The following ELOVL6 variants were observed in gnomAD, a reference collection of about 807,000 sequenced individuals.
The protein encoded by ELOVL6 is very long chain fatty acid elongase 6.
Under a neutral mutation model 31.7 loss-of-function variants are expected in ELOVL6, and 8 were observed. The observed-to-expected ratio is 0.25, with a 90% CI of 0.15 to 0.45. The LOEUF is 0.45. Among genes scored for constraint, ELOVL6 ranks in the 20% least tolerant of loss-of-function variants. The pLI, the probability that ELOVL6 is intolerant of heterozygous loss-of-function variation, is 1.00. For missense variants in ELOVL6, 126 were observed against 326.4 expected (o/e 0.39, Z 4.73); for synonymous variants, 101 against 117.7 (o/e 0.86, Z 0.92).
intron 2 of ELOVL6, among the ~76,000 whole-genome samples, chr4:110,076,195 T>A (rs1755620341): frequency 2.0e-5 from 3 of 152,188 alleles, no homozygotes; most frequent in African/African-American, 7.2e-5. Flanking sequence ...ATAAATTGAA[T>A]CTTTTTATAG....
chr4:110,092,790 G>A lies in ELOVL6; in HGVS notation c.221+12707C>T, dbSNP rs1012280378. Among the ~76,000 whole-genome samples the A allele has an allele frequency of 3.3e-5, 5 of 150,294 alleles. No homozygotes were observed. The South Asian group carries it at 6.3e-4, about 19-fold the overall frequency. ...TTTTTAAGGATTCAATTTTTAGTTC[G>A]AAATCTTGTAGTACACACACACACA... On this transcript the variant is annotated intron_variant, in intron 2 of 3. Transcript: ENST00000302274.
chr4:110,084,181 T>TAAC (rs1756064720), intron 2 of ELOVL6, among the ~76,000 whole-genome samples: 4 of 108,024 alleles, frequency 3.7e-5, no homozygotes, highest in Admixed American at 2.3e-4. Context: ...ATATGATATA[T>TAAC]ATAACATATA....
At chr4:110,169,243 GT>G (rs1244510218) in intron 1 of ELOVL6, among the ~76,000 whole-genome samples, 36 of 137,892 alleles carry the variant, frequency 2.6e-4, no homozygotes, top group African/African-American at 2.4e-4. Context: ...TTTTTGTTTT[GT>G]TTTTTTTTTT....
chr4:110,142,841 T>A (rs2126262161), intron 1 of ELOVL6, among the ~76,000 whole-genome samples: 1 of 152,316 alleles, frequency 6.6e-6, no homozygotes, highest in African/African-American at 2.4e-5. Context: ...TCAATATAAC[T>A]CATCTTTAAA....
intron 2 of ELOVL6, among the ~76,000 whole-genome samples, chr4:110,089,433 T>C (rs1756357642): frequency 6.6e-6 from 1 of 151,946 alleles, no homozygotes; most frequent in African/African-American, 2.4e-5. Context: ...CAGGCTTGAG[T>C]CTGTGCAAAT....
At chr4:110,198,172 G>A (rs751915376) in intron 1 of ELOVL6, 75 bp downstream of exon 1, 12 of 899,376 alleles carry the variant, frequency 1.3e-5, no homozygotes, top group Non-Finnish European at 2.1e-5. Flanking sequence ...CCCAGGCAGG[G>A]AATACCGACA....
At chr4:110,105,850 T>C (rs1221929349) in intron 1 of ELOVL6, among the ~76,000 whole-genome samples, 1 of 152,238 alleles carries the variant, frequency 6.6e-6, no homozygotes, top group Non-Finnish European at 1.5e-5. Flanking sequence ...AAGTATCATG[T>C]CAGGATAGAT....
chr4:110,134,686 T>G (rs920676313), intron 1 of ELOVL6, among the ~76,000 whole-genome samples: 7 of 152,082 alleles, frequency 4.6e-5, no homozygotes, highest in African/African-American at 1.7e-4. Flanking sequence ...GTGAACTGGG[T>G]GTGGTAGCTC....
In ELOVL6 at chr4:110,083,161, A is replaced by C. The variant is rs1348880687; in HGVS notation, c.221+22336T>G. On this transcript the variant is annotated intron_variant, in intron 2 of 3. Coordinates refer to ENST00000302274, the MANE Select transcript of ELOVL6 (RefSeq NM_024090.3). ...AAGAAAAAGACAAATCAATTTTCACAAAACCCATATTCTAGTGAGGGAGAC... is the reference window on the plus strand; with the variant it reads ...AAGAAAAAGACAAATCAATTTTCACCAAACCCATATTCTAGTGAGGGAGAC... Among the ~76,000 whole-genome samples the C allele has an allele frequency of 4.6e-5, 7 of 151,830 alleles. 1 individual carries two copies. The highest frequency in any genetic ancestry group is 1.7e-4 in the African/African-American group (7 of 41,056).
chr4:110,163,357 C>A (rs766741053), intron 1 of ELOVL6, among the ~76,000 whole-genome samples: 3 of 152,214 alleles, frequency 2.0e-5, no homozygotes, highest in Non-Finnish European at 4.4e-5. Flanking sequence ...ACACTATTTT[C>A]TTTATAGCAG....
rs547352627 is a variant in ELOVL6 at position 110,124,045 on chromosome 4, C to T, written c.90-18417G>A. On this transcript the variant is annotated intron_variant, in intron 1 of 3. Coordinates refer to ENST00000302274, the MANE Select transcript of ELOVL6 (RefSeq NM_024090.3). ...ACTGCCTCTTGTGAGTTAAATTAGA[C>T]AGTCTGTAGACAGATTAGAAGGTAC... is the stretch of plus-strand genomic sequence containing the variant. Among the ~76,000 whole-genome samples, 4 of 152,274 alleles carry T rather than the reference C, an allele frequency of 2.6e-5. No individual in the cohort carries two copies. The South Asian group carries it at 8.3e-4, about 32-fold the overall frequency.
intron 1 of ELOVL6, among the ~76,000 whole-genome samples, chr4:110,156,144 A>G (rs971663761): frequency 6.6e-6 from 1 of 152,216 alleles, no homozygotes; most frequent in Non-Finnish European, 1.5e-5. Flanking sequence ...AGCCACCTTG[A>G]AAATGTAAAG....
At chr4:110,145,697 T>TA (rs34563907) in intron 1 of ELOVL6, among the ~76,000 whole-genome samples, 32 of 150,188 alleles carry the variant, frequency 2.1e-4, no homozygotes, top group African/African-American at 5.9e-4. Context: ...AGAGACTGTC[T>TA]AAAAAAAAAA....
rs534365536 is a variant in ELOVL6, at chr4:110,179,276, G to A, written c.89+18971C>T. Among the ~76,000 whole-genome samples the A allele has an allele frequency of 2.0e-5, 3 of 151,970 alleles. No homozygotes were observed. The South Asian group carries it at 6.2e-4, about 32-fold the overall frequency. ...TCCCAGCATTTAAGGAGGCTGAGGT[G>A]GATGGATCACCTGAGGTCAGGAGTT... On this transcript the variant is annotated intron_variant, in intron 1 of 3. Coordinates refer to ENST00000302274, the MANE Select transcript of ELOVL6 (RefSeq NM_024090.3).
At chr4:110,059,519 T>G (rs1560800924) in intron 3 of ELOVL6, 84 bp downstream of exon 3, 1 of 1,444,544 alleles carries the variant, frequency 6.9e-7, no homozygotes, top group African/African-American at 1.4e-5. Flanking sequence ...AATAGGACCT[T>G]CAAAATGTTT....
At chr4:110,182,314 GC>G (rs1759299939) in intron 1 of ELOVL6, among the ~76,000 whole-genome samples, 1 of 152,046 alleles carries the variant, frequency 6.6e-6, no homozygotes, top group Non-Finnish European at 1.5e-5. Flanking sequence ...CAACAATATG[GC>G]CCCTCCTCCT....
chr4:110,163,813 A>G (rs1364454584), intron 1 of ELOVL6, among the ~76,000 whole-genome samples: 1 of 152,238 alleles, frequency 6.6e-6, no homozygotes, highest in Admixed American at 6.5e-5. Context: ...TGCCAGGGTC[A>G]TAAGATACTT....
At chr4:110,113,735 G>A (rs931448239) in intron 1 of ELOVL6, among the ~76,000 whole-genome samples, 6 of 152,280 alleles carry the variant, frequency 3.9e-5, no homozygotes, top group African/African-American at 1.4e-4. Flanking sequence ...AGAATTTCCA[G>A]GTAACGATCT....
At chr4:110,121,981 C>CTA (rs1326193779) in intron 1 of ELOVL6, among the ~76,000 whole-genome samples, 1 of 152,074 alleles carries the variant, frequency 6.6e-6, no homozygotes, top group Non-Finnish European at 1.5e-5. Flanking sequence ...GCCTACTTTG[C>CTA]TATATACTGG....
Sources: allele counts gnomAD v4.1 joint callset (sites outside exome capture counted in the v4.1 genomes callset), GRCh38; gene constraint gnomAD v4.1.1; transcripts MANE v1.5; gene names NCBI Gene and HGNC (gene_info 2026-07-23, HGNC 2026-07-21).